The following PKNOX2 variants were observed in gnomAD, a reference collection of about 807,000 sequenced individuals.
The protein encoded by PKNOX2 is homeobox protein PKNOX2.
In PKNOX2, 14 loss-of-function variants were observed where a neutral mutation model predicts 53.1. That is an observed-to-expected ratio of 0.26 (90% CI 0.17 to 0.41). The LOEUF is 0.41. Among genes scored for constraint, PKNOX2 ranks in the 10% least tolerant of loss-of-function variants. The pLI, the probability that PKNOX2 is intolerant of heterozygous loss-of-function variation, is 1.00. For missense variants in PKNOX2, 496 were observed against 602.8 expected (o/e 0.82, Z 1.85); for synonymous variants, 257 against 242.8 (o/e 1.06, Z -0.54).
intron 2 of PKNOX2, among the ~76,000 whole-genome samples, chr11:125,324,867 A>G (rs1345831168): frequency 2.6e-5 from 4 of 152,034 alleles, no homozygotes; most frequent in African/African-American, 9.7e-5. Context: ...TTGGGGAGAG[A>G]GCAAGGACTC....
chr11:125,366,100 C>T (rs1048185365), intron 4 of PKNOX2, among the ~76,000 whole-genome samples: 1 of 152,166 alleles, frequency 6.6e-6, no homozygotes, highest in African/African-American at 2.4e-5. Context: ...TACTTTCTTT[C>T]TTACAGCACC....
intron 1 of PKNOX2, among the ~76,000 whole-genome samples, chr11:125,217,045 T>TCA (rs1002100623): frequency 3.3e-5 from 5 of 149,316 alleles, no homozygotes; most frequent in African/African-American, 1.2e-4. Flanking sequence ...ACAGTCTCTC[T>TCA]CACACACACA....
chr11:125,313,733 G>T (rs989263026), intron 2 of PKNOX2, among the ~76,000 whole-genome samples: 2 of 152,116 alleles, frequency 1.3e-5, no homozygotes, highest in African/African-American at 4.8e-5. Flanking sequence ...CAAGCCACGT[G>T]TATCTATTCA....
chr11:125,168,415 T>C (rs766361648), intron 1 of PKNOX2, among the ~76,000 whole-genome samples: 1 of 152,256 alleles, frequency 6.6e-6, no homozygotes. Flanking sequence ...ACCAGTTGCC[T>C]GGAAGTTCAG....
At chr11:125,338,473 G>A (rs1950530606) in intron 3 of PKNOX2, among the ~76,000 whole-genome samples, 1 of 152,124 alleles carries the variant, frequency 6.6e-6, no homozygotes, top group African/African-American at 2.4e-5. Flanking sequence ...GTGCCCTTGG[G>A]GAGTCATCTT....
At chr11:125,430,870 G>A (rs640364) in intron 12 of PKNOX2, among the ~76,000 whole-genome samples, 41,148 of 152,086 alleles carry the variant, frequency 0.27, 6,311 homozygotes, top group Admixed American at 0.4. Context: ...GACAGAATGG[G>A]GATAATAATA....
At chr11:125,222,831 G>A (rs1026243136) in intron 1 of PKNOX2, among the ~76,000 whole-genome samples, 14 of 151,846 alleles carry the variant, frequency 9.2e-5, no homozygotes, top group African/African-American at 3.4e-4. Flanking sequence ...GTGTTGCATC[G>A]AAAGGTGTCT....
chr11:125,203,989 G>A (rs1312811768), intron 1 of PKNOX2, among the ~76,000 whole-genome samples: 1 of 152,232 alleles, frequency 6.6e-6, no homozygotes, highest in African/African-American at 2.4e-5. Flanking sequence ...TCTGCTCAGA[G>A]GGTGGGGCAC....
chr11:125,319,958 G>A (rs550990732), intron 2 of PKNOX2, among the ~76,000 whole-genome samples: 20 of 152,182 alleles, frequency 1.3e-4, no homozygotes, highest in East Asian at 5.8e-4. Context: ...AGATTTTGAC[G>A]TTGATCTCAA....
chr11:125,190,635 T>A (rs1246243356), intron 1 of PKNOX2, among the ~76,000 whole-genome samples: 1 of 152,144 alleles, frequency 6.6e-6, no homozygotes. Flanking sequence ...AATTGGTTGA[T>A]ACTCTGTCCC....
intron 6 of PKNOX2, among the ~76,000 whole-genome samples, chr11:125,392,960 T>C (rs79834692): frequency 0.079 from 12,026 of 151,756 alleles, 743 homozygotes; most frequent in East Asian, 0.3. Flanking sequence ...AGATCGAGAC[T>C]ATCCTGGGAA....
chr11:125,354,189 G>C (rs1207723703), intron 4 of PKNOX2, among the ~76,000 whole-genome samples: 1 of 152,102 alleles, frequency 6.6e-6, no homozygotes, highest in African/African-American at 2.4e-5. Context: ...GGAGACTGCT[G>C]CATTTCCCTT....
At chr11:125,310,152 T>A (rs1275944316) in intron 2 of PKNOX2, among the ~76,000 whole-genome samples, 1 of 152,190 alleles carries the variant, frequency 6.6e-6, no homozygotes, top group Non-Finnish European at 1.5e-5. Context: ...GACATGACTG[T>A]TTTTCAGTGA....
At chr11:125,294,180 C>T (rs1052496405) in intron 2 of PKNOX2, among the ~76,000 whole-genome samples, 4 of 152,180 alleles carry the variant, frequency 2.6e-5, no homozygotes, top group African/African-American at 9.7e-5. Context: ...AGCAGAAACA[C>T]AAATGATTCC....
intron 1 of PKNOX2, among the ~76,000 whole-genome samples, chr11:125,219,180 T>C (rs1384731436): frequency 6.6e-6 from 1 of 152,122 alleles, no homozygotes; most frequent in African/African-American, 2.4e-5. Context: ...TCACCTGTAA[T>C]CCCAGCACTT....
intron 2 of PKNOX2, among the ~76,000 whole-genome samples, chr11:125,315,962 G>A (rs1949158283): frequency 1.3e-5 from 2 of 152,196 alleles, no homozygotes. Flanking sequence ...AGGATTCAAG[G>A]ACATGTAAGG....
chr11:125,227,540 G>A (rs11604965), intron 1 of PKNOX2, among the ~76,000 whole-genome samples: 1 of 152,158 alleles, frequency 6.6e-6, no homozygotes, highest in East Asian at 1.9e-4. Context: ...CCATGTTGTA[G>A]CATGTGTGAG....
chr11:125,401,845 C>G (rs1382090824), intron 7 of PKNOX2, among the ~76,000 whole-genome samples: 1 of 152,102 alleles, frequency 6.6e-6, no homozygotes, highest in Non-Finnish European at 1.5e-5. Flanking sequence ...TTAATCCCCC[C>G]GGCCTGAAAT....
Position 125,351,480 on chromosome 11 carries a change from G to T in PKNOX2, c.87+88G>T, listed in dbSNP as rs1377394101. 6 of 847,674 alleles carry T rather than the reference G, an allele frequency of 7.1e-6. No individual in the cohort carries two copies. The Admixed American group carries it at 1.3e-4, about 19-fold the overall frequency. The allele number at this position is 847,674 out of a possible 1,614,324, so 52.5% of individuals were successfully genotyped here. A position where few individuals can be genotyped will look rare whatever the true frequency, so the allele number is the denominator to read the frequency against. On this transcript the variant is annotated intron_variant, in intron 4 of 12. Coordinates refer to ENST00000298282, the MANE Select transcript of PKNOX2 (RefSeq NM_001382323.2). ...CAGCTGCAGGCTGGGACATTCCAGG[G>T]GCCGACGGGCAGAGCCAGGCCTCCC...
Sources: allele counts gnomAD v4.1 joint callset (sites outside exome capture counted in the v4.1 genomes callset), GRCh38; gene constraint gnomAD v4.1.1; transcripts MANE v1.5; gene names NCBI Gene and HGNC (gene_info 2026-07-23, HGNC 2026-07-21).